TTC28: variants seen among roughly 807,000 people sequenced by gnomAD.
TTC28 encodes tetratricopeptide repeat domain 28, also known as tetratricopeptide repeat protein 28.
In TTC28, 61 loss-of-function variants were observed where a neutral mutation model predicts 198.0. That is an observed-to-expected ratio of 0.31 (90% confidence interval 0.25 to 0.38). The LOEUF (loss-of-function observed/expected upper bound fraction) is 0.38, where lower values mean the gene tolerates loss of function less well. Ranked by LOEUF, TTC28 falls within the 10% of genes least tolerant of loss-of-function variation. The pLI is 1.00. For missense variants in TTC28, 2,678 were observed against 3,164.0 expected (o/e 0.85, Z 3.69); for synonymous variants, 1,171 against 1,297.8 (o/e 0.90, Z 2.10).
chr22:28,586,786 G>A (rs1327220341), intron 2 of TTC28, among the ~76,000 whole-genome samples: 1 of 152,022 alleles, frequency 6.6e-6, no homozygotes, highest in East Asian at 1.9e-4. Flanking sequence ...TATAGAAAGT[G>A]CTTCAACCAA....
At chr22:28,239,844 TC>T (rs1929537480) in intron 5 of TTC28, among the ~76,000 whole-genome samples, 1 of 152,180 alleles carries the variant, frequency 6.6e-6, no homozygotes, top group Non-Finnish European at 1.5e-5. Context: ...TAACAGCCTT[TC>T]CTGAAGGAAC....
chr22:28,367,545 A>G (rs995385608), intron 2 of TTC28, among the ~76,000 whole-genome samples: 34 of 152,042 alleles, frequency 2.2e-4, no homozygotes, highest in African/African-American at 8.0e-4. Context: ...GTGCAAACTG[A>G]ACCCAAAATT....
At chr22:28,422,031 T>TTA (rs1297741630) in intron 2 of TTC28, among the ~76,000 whole-genome samples, 3 of 152,096 alleles carry the variant, frequency 2.0e-5, no homozygotes, top group Non-Finnish European at 4.4e-5. Flanking sequence ...GATGGGGATG[T>TTA]TATGGTCTTC....
At chr22:28,634,392 C>A (rs2146216672) in intron 1 of TTC28, among the ~76,000 whole-genome samples, 1 of 151,750 alleles carries the variant, frequency 6.6e-6, no homozygotes, top group Admixed American at 6.6e-5. Context: ...AGCCTGTAGT[C>A]TCAGCTACTC....
chr22:28,375,244 AT>A (rs1261375812), intron 2 of TTC28, among the ~76,000 whole-genome samples: 1 of 152,188 alleles, frequency 6.6e-6, no homozygotes, highest in African/African-American at 2.4e-5. Flanking sequence ...AATTACTACC[AT>A]TTATTATGCC....
chr22:28,315,016 A>T (rs1339172860), intron 2 of TTC28, among the ~76,000 whole-genome samples: 1 of 152,160 alleles, frequency 6.6e-6, no homozygotes, highest in African/African-American at 2.4e-5. Flanking sequence ...TCTTCCCTGA[A>T]GGAATTTTGA....
At chr22:28,584,025 T>G (rs866903284) in intron 2 of TTC28, among the ~76,000 whole-genome samples, 3,357 of 149,732 alleles carry the variant, frequency 0.022, 131 homozygotes, top group African/African-American at 0.078. Flanking sequence ...TGTTTTTTTT[T>G]TTTTTTTTGG....
At position 27,985,256 on chromosome 22, in the gene TTC28, A is replaced by G; in HGVS notation, c.5808T>C (p.Ser1936=). The change falls in exon 22 of 23, where the codon TCT becomes TCC. Residue 1936 remains serine (S), a synonymous_variant. Transcript: ENST00000397906. The part of the protein sequence containing the change: ...TVHFALQSLL[S]LFDSTELPKR... ...CTGAGGGCAGGCTCTTACCAAACAG[A>G]GACAGCAGGGACTGGAGCGCGAAGT... is the stretch of plus-strand genomic sequence containing the variant. 6.4e-7 allele frequency: 1 copy of G among 1,551,136 alleles called. No individual in the cohort carries two copies. Among genetic ancestry groups the G allele is most frequent in the African/African-American group, 1.4e-5 (1 of 73,148 alleles).
At chr22:28,375,645 A>G (rs1178214198) in intron 2 of TTC28, among the ~76,000 whole-genome samples, 2 of 152,232 alleles carry the variant, frequency 1.3e-5, no homozygotes, top group African/African-American at 4.8e-5. Flanking sequence ...TCAATTTGAC[A>G]AGATTACGGA....
intron 1 of TTC28, among the ~76,000 whole-genome samples, chr22:28,651,807 T>C (rs2051568767): frequency 2.0e-5 from 3 of 152,120 alleles, no homozygotes; most frequent in Non-Finnish European, 4.4e-5. Context: ...TACAAAGAAA[T>C]AGCAAAGGCT....
chr22:28,167,600 G>A (rs1256056609), intron 5 of TTC28, among the ~76,000 whole-genome samples: 2 of 152,112 alleles, frequency 1.3e-5, no homozygotes, highest in Admixed American at 1.3e-4. Context: ...TGCAGAAAAG[G>A]CCTTTGACAA....
intron 2 of TTC28, among the ~76,000 whole-genome samples, chr22:28,565,927 C>T (rs1220499359): frequency 1.3e-5 from 2 of 152,112 alleles, no homozygotes; most frequent in Non-Finnish European, 2.9e-5. Flanking sequence ...AAGCTTACTC[C>T]ATTTATCCCT....
At chr22:28,519,640 A>C (rs1282940569) in intron 2 of TTC28, among the ~76,000 whole-genome samples, 1 of 152,188 alleles carries the variant, frequency 6.6e-6, no homozygotes, top group Non-Finnish European at 1.5e-5. Flanking sequence ...TGAGGACTTT[A>C]CCAGACCTCC....
At chr22:28,015,244 C>T (rs1278807668) in intron 13 of TTC28, among the ~76,000 whole-genome samples, 1 of 152,096 alleles carries the variant, frequency 6.6e-6, no homozygotes, top group Non-Finnish European at 1.5e-5. Flanking sequence ...GGAAATGAGT[C>T]CATTTCCAAT....
In TTC28 at chr22:28,397,306, TC is replaced by T. The variant is rs532909764; in HGVS notation, c.382-90664del. On this transcript the variant is annotated intron_variant, in intron 2 of 22. Transcript: ENST00000397906. ...TAAAGCTCATTGATCCTCACAAGAGTCCCGATGTAGGTAAGGCAGTTCTTAC... is the reference window on the plus strand; with the variant it reads ...TAAAGCTCATTGATCCTCACAAGAGTCCGATGTAGGTAAGGCAGTTCTTAC... 8.5e-5 allele frequency among the ~76,000 whole-genome samples: 13 copies of T among 152,194 alleles called. No homozygotes were observed. The South Asian group carries it at 2.7e-3, about 32-fold the overall frequency.
intron 5 of TTC28, among the ~76,000 whole-genome samples, chr22:28,219,522 A>G (rs924470902): frequency 6.6e-6 from 1 of 152,048 alleles, no homozygotes; most frequent in Non-Finnish European, 1.5e-5. Context: ...AAAAAGAAAA[A>G]AAAAACAGCC....
intron 2 of TTC28, among the ~76,000 whole-genome samples, chr22:28,332,738 T>A (rs1321914510): frequency 3.3e-5 from 5 of 152,136 alleles, no homozygotes; most frequent in Non-Finnish European, 5.9e-5. Context: ...AACAATTAAA[T>A]GCAACCACTA....
At chr22:28,635,198 G>A (rs904560572) in intron 1 of TTC28, among the ~76,000 whole-genome samples, 1 of 152,070 alleles carries the variant, frequency 6.6e-6, no homozygotes, top group Non-Finnish European at 1.5e-5. Context: ...GCGGGCACCT[G>A]TAGTCCCAGC....
At chr22:28,580,466 G>A (rs1726802237) in intron 2 of TTC28, among the ~76,000 whole-genome samples, 1 of 152,124 alleles carries the variant, frequency 6.6e-6, no homozygotes, top group African/African-American at 2.4e-5. Flanking sequence ...TCAAACTCCT[G>A]ACCTCAGGTG....
Sources: gnomAD v4.1 joint callset for allele counts (sites outside exome capture counted in the v4.1 genomes callset) on GRCh38, gnomAD v4.1.1 for gene constraint, MANE v1.5 for transcripts, NCBI Gene and HGNC (gene_info 2026-07-23, HGNC 2026-07-21) for gene names.